Variants in CNOT4 observed in about 807,000 individuals in gnomAD.
CNOT4 encodes CCR4-NOT transcription complex subunit 4.
In CNOT4, 8 loss-of-function variants were observed where a neutral mutation model predicts 73.8. The observed-to-expected ratio is 0.11, with a 90% CI of 0.06 to 0.20. CNOT4 has a LOEUF of 0.20. Ranked by LOEUF, CNOT4 falls within the 10% of genes least tolerant of loss-of-function variation. CNOT4 has a pLI of 1.00. For synonymous variants in CNOT4, 293 were observed against 321.1 expected (o/e 0.91, Z 0.94); for missense variants, 564 against 883.4 (o/e 0.64, Z 4.58).
chr7:135,366,434 T>G (rs1794919261), intron 10 of CNOT4, among the ~76,000 whole-genome samples: 1 of 152,226 alleles, frequency 6.6e-6, no homozygotes, highest in South Asian at 2.1e-4. Flanking sequence ...TAAGGGACAT[T>G]TGTTCCTGTA....
At chr7:135,439,527 G>A (rs908697536) in intron 1 of CNOT4, among the ~76,000 whole-genome samples, 3 of 152,172 alleles carry the variant, frequency 2.0e-5, no homozygotes, top group Non-Finnish European at 2.9e-5. Flanking sequence ...CACTTTGAGA[G>A]GCCAAGGCAG....
intron 1 of CNOT4, among the ~76,000 whole-genome samples, chr7:135,459,368 T>C (rs2129486229): frequency 6.6e-6 from 1 of 152,300 alleles, no homozygotes; most frequent in Admixed American, 6.5e-5. Flanking sequence ...TACCAACCTC[T>C]GCTCTGATCT....
At chr7:135,504,638 C>T (rs1331472368) in intron 1 of CNOT4, among the ~76,000 whole-genome samples, 1 of 118,666 alleles carries the variant, frequency 8.4e-6, no homozygotes, top group Non-Finnish European at 1.8e-5. Context: ...AGGCGCCCGC[C>T]ACTACGCCCG....
intron 10 of CNOT4, among the ~76,000 whole-genome samples, chr7:135,392,396 T>C (rs1267302389): frequency 1.3e-5 from 2 of 152,136 alleles, no homozygotes; most frequent in South Asian, 2.1e-4. Flanking sequence ...GTTTTGATGA[T>C]TTGGGAGAAC....
At chr7:135,387,479 C>T in intron 10 of CNOT4, 1 of 979,908 alleles carries the variant, frequency 1.0e-6, no homozygotes, top group Non-Finnish European at 1.2e-6. Context: ...AGTACCATCT[C>T]CTAATAACAT....
intron 1 of CNOT4, among the ~76,000 whole-genome samples, chr7:135,470,003 AGT>A (rs1349613575): frequency 6.6e-6 from 1 of 152,006 alleles, no homozygotes; most frequent in Admixed American, 6.6e-5. Flanking sequence ...TTGTATTTTT[AGT>A]AGAGCTGGGG....
intron 3 of CNOT4, among the ~76,000 whole-genome samples, chr7:135,421,112 C>T (rs1484670212): frequency 5.3e-5 from 8 of 152,084 alleles, no homozygotes; most frequent in Non-Finnish European, 8.8e-5. Context: ...AAAATCATTT[C>T]GTATTGATTT....
intron 1 of CNOT4, among the ~76,000 whole-genome samples, chr7:135,439,534 G>A (rs1799349597): frequency 6.6e-6 from 1 of 152,186 alleles, no homozygotes; most frequent in Admixed American, 6.5e-5. Flanking sequence ...AGAGGCCAAG[G>A]CAGGAGGACT....
chr7:135,437,410 CG>C (rs1799221414), intron 2 of CNOT4, among the ~76,000 whole-genome samples: 1 of 152,022 alleles, frequency 6.6e-6, no homozygotes, highest in Non-Finnish European at 1.5e-5. Flanking sequence ...AGGATGGTCT[CG>C]ATCTCCTGAC....
At chr7:135,479,198 A>ATTT (rs61487024) in intron 1 of CNOT4, among the ~76,000 whole-genome samples, 1,930 of 89,924 alleles carry the variant, frequency 0.021, 200 homozygotes, top group African/African-American at 0.032. Context: ...TTAGAACCAA[A>ATTT]TTTTTTTTTT....
intron 1 of CNOT4, among the ~76,000 whole-genome samples, chr7:135,453,918 G>A (rs866870721): frequency 2.1e-5 from 3 of 141,402 alleles, no homozygotes; most frequent in Middle Eastern, 3.7e-3. Context: ...CAGGTGGATC[G>A]CTTGAGCTCA....
chr7:135,508,668 G>A (rs369205688), intron 1 of CNOT4, among the ~76,000 whole-genome samples: 14 of 152,266 alleles, frequency 9.2e-5, no homozygotes, highest in African/African-American at 3.1e-4. Context: ...TAAATAAAAT[G>A]TCATCAATTA....
At chr7:135,424,984 T>TGA in intron 2 of CNOT4, among the ~76,000 whole-genome samples, 1 of 152,184 alleles carries the variant, frequency 6.6e-6, no homozygotes, top group East Asian at 1.9e-4. Context: ...GTACAAAAAC[T>TGA]GAGATAAGCG....
intron 7 of CNOT4, among the ~76,000 whole-genome samples, chr7:135,407,513 A>G (rs1344843784): frequency 1.3e-5 from 2 of 152,240 alleles, no homozygotes; most frequent in Non-Finnish European, 2.9e-5. Flanking sequence ...AGTAAGTATG[A>G]GGTAAAAACA....
rs762825225 is a variant in CNOT4, at chr7:135,498,534, C to T, written c.-93+11355G>A. 2.6e-5 allele frequency among the ~76,000 whole-genome samples: 4 copies of T among 152,062 alleles called. No homozygotes were observed. The East Asian group carries it at 7.7e-4, about 29-fold the overall frequency. On this transcript the variant is annotated intron_variant, in intron 1 of 11. Transcript: ENST00000541284. Reference sequence around the variant, plus strand: ...GAATCAAAATAGATTTGAATACAATCTTTAAGGTTTTTATGTTTGTTTGTT... The same window carrying T: ...GAATCAAAATAGATTTGAATACAATTTTTAAGGTTTTTATGTTTGTTTGTT...
At chr7:135,383,538 C>T (rs766584775) in intron 10 of CNOT4, among the ~76,000 whole-genome samples, 5 of 152,182 alleles carry the variant, frequency 3.3e-5, no homozygotes, top group Non-Finnish European at 5.9e-5. Context: ...CCCAGGTGCC[C>T]ATCTGCGGAT....
At chr7:135,456,539 T>C (rs927911837) in intron 1 of CNOT4, among the ~76,000 whole-genome samples, 3 of 152,084 alleles carry the variant, frequency 2.0e-5, no homozygotes, top group South Asian at 2.1e-4. Flanking sequence ...GTCGGTATCA[T>C]TGGAGGACTT....
intron 10 of CNOT4, among the ~76,000 whole-genome samples, chr7:135,369,961 A>G (rs1243498277): frequency 6.6e-6 from 1 of 152,270 alleles, no homozygotes; most frequent in African/African-American, 2.4e-5. Context: ...ATATAAGTGT[A>G]CTGTACATCA....
At chr7:135,482,771 A>C (rs982854949) in intron 1 of CNOT4, among the ~76,000 whole-genome samples, 2 of 151,136 alleles carry the variant, frequency 1.3e-5, no homozygotes, top group African/African-American at 2.4e-5. Context: ...ACCTGAGGTC[A>C]GGAGTTCAAG....
Sources: allele counts gnomAD v4.1 joint callset (sites outside exome capture counted in the v4.1 genomes callset), GRCh38; gene constraint gnomAD v4.1.1; transcripts MANE v1.5; gene names NCBI Gene and HGNC (gene_info 2026-07-23, HGNC 2026-07-21).